Variants in EPCIP observed in about 807,000 individuals in gnomAD.
The protein encoded by EPCIP is exosomal polycystin 1 interacting protein, also known as exosomal polycystin-1-interacting protein.
the EPCIP span, among the ~76,000 whole-genome samples, chr21:32,811,176 G>A: frequency 6.6e-6 from 1 of 151,324 alleles, no homozygotes; most frequent in African/African-American, 2.4e-5. Flanking sequence ...TGTCACCCAG[G>A]CTGGAGTGCA....
chr21:32,809,277 T>C, the EPCIP span, among the ~76,000 whole-genome samples: 16,249 of 111,630 alleles, frequency 0.15, 2,400 homozygotes, highest in East Asian at 0.33. Context: ...CCCTCCCTCC[T>C]TCCTTTCTTT....
the EPCIP span, among the ~76,000 whole-genome samples, chr21:32,805,775 A>G: frequency 2.0e-5 from 3 of 152,188 alleles, no homozygotes; most frequent in Non-Finnish European, 4.4e-5. Flanking sequence ...CTGTATTCAC[A>G]GCCCTGCAGT....
At chr21:32,810,724 T>G in the EPCIP span, 1 of 468,832 alleles carries the variant, frequency 2.1e-6, no homozygotes, top group South Asian at 1.6e-5. Flanking sequence ...GACTGCATCA[T>G]GCTCACATGT....
the EPCIP span, among the ~76,000 whole-genome samples, chr21:32,809,337 T>C: frequency 7.0e-6 from 1 of 143,878 alleles, no homozygotes; most frequent in Non-Finnish European, 1.5e-5. Flanking sequence ...TCTTTCTTTC[T>C]TTCTTTCCTC....
the EPCIP span, among the ~76,000 whole-genome samples, chr21:32,793,376 A>G: frequency 6.6e-6 from 1 of 152,174 alleles, no homozygotes; most frequent in Admixed American, 6.5e-5. Flanking sequence ...GAAAGAAGAT[A>G]TGTTTCTTGG....
the EPCIP span, among the ~76,000 whole-genome samples, chr21:32,801,818 G>C: frequency 6.6e-6 from 1 of 152,072 alleles, no homozygotes; most frequent in East Asian, 1.9e-4. Flanking sequence ...ACTCCAGCCT[G>C]GGCAATAAGA....
At chr21:32,810,885 C>T in the EPCIP span, among the ~76,000 whole-genome samples, 2 of 152,072 alleles carry the variant, frequency 1.3e-5, no homozygotes, top group East Asian at 3.9e-4. Context: ...GCCCTGTGTT[C>T]CCAAGGCTAA....
chr21:32,809,931 C>A, the EPCIP span, among the ~76,000 whole-genome samples: 2 of 152,142 alleles, frequency 1.3e-5, no homozygotes, highest in Non-Finnish European at 2.9e-5. Context: ...TTTTGTAAGC[C>A]AATCTGTTAT....
At chr21:32,805,109 G>A in the EPCIP span, among the ~76,000 whole-genome samples, 3 of 152,136 alleles carry the variant, frequency 2.0e-5, no homozygotes, top group African/African-American at 7.2e-5. Flanking sequence ...AATCAACAGG[G>A]TCCTTATAAG....
At chr21:32,804,532 T>A in the EPCIP span, among the ~76,000 whole-genome samples, 1 of 151,956 alleles carries the variant, frequency 6.6e-6, no homozygotes, top group East Asian at 1.9e-4. Flanking sequence ...TCATAGACAT[T>A]GATATTTTGT....
At chr21:32,796,957 G>A in the EPCIP span, 1 of 470,822 alleles carries the variant, frequency 2.1e-6, no homozygotes, top group African/African-American at 2.0e-5. Context: ...CCTTTTAGAG[G>A]CAGCCGTGGA....
the EPCIP span, among the ~76,000 whole-genome samples, chr21:32,809,915 A>G: frequency 6.6e-6 from 1 of 152,106 alleles, no homozygotes; most frequent in African/African-American, 2.4e-5. Context: ...AAAAAAAAAA[A>G]AGAGCTTTTG....
the EPCIP span, chr21:32,810,441 TTA>T: frequency 5.3e-5 from 16 of 304,458 alleles, no homozygotes; most frequent in East Asian, 8.7e-5. Context: ...TTTTTTTTTT[TTA>T]GTGCAGACGG....
At chr21:32,812,572 A>C in the EPCIP span, among the ~76,000 whole-genome samples, 1 of 152,214 alleles carries the variant, frequency 6.6e-6, no homozygotes, top group Admixed American at 6.5e-5. Flanking sequence ...GTCAGAAAAA[A>C]AAGTAATGAA....
At chr21:32,801,962 TGCAGATATAAGAGTCATTGGC>T in the EPCIP span, among the ~76,000 whole-genome samples, 2 of 152,184 alleles carry the variant, frequency 1.3e-5, no homozygotes, top group African/African-American at 4.8e-5. Context: ...GGCGAGGCAG[TGCAGATATAAGAGTCATTGGC>T]GCAGATGTCA....
the EPCIP span, among the ~76,000 whole-genome samples, chr21:32,804,275 T>TTATA: frequency 0.064 from 8,972 of 140,698 alleles, 513 homozygotes; most frequent in African/African-American, 0.15. Flanking sequence ...ATGCATGTGA[T>TTATA]TATATATATA....
the EPCIP span, among the ~76,000 whole-genome samples, chr21:32,804,218 G>A: frequency 6.6e-6 from 1 of 151,216 alleles, no homozygotes; most frequent in Non-Finnish European, 1.5e-5. Context: ...TCTCTTGACA[G>A]GGCACAGGAT....
At chr21:32,808,821 C>T in the EPCIP span, among the ~76,000 whole-genome samples, 2 of 152,108 alleles carry the variant, frequency 1.3e-5, no homozygotes, top group East Asian at 3.8e-4. Flanking sequence ...ATTATCTTCA[C>T]GATTTTTCTG....
At chr21:32,797,024 G>A in the EPCIP span, 2 of 470,846 alleles carry the variant, frequency 4.2e-6, no homozygotes, top group Non-Finnish European at 8.8e-6. Context: ...TGTGGGACAA[G>A]AAGTTCCCAG....
Sources: allele counts gnomAD v4.1 joint callset (sites outside exome capture counted in the v4.1 genomes callset), GRCh38; gene constraint gnomAD v4.1.1; transcripts MANE v1.5; gene names NCBI Gene and HGNC (gene_info 2026-07-23, HGNC 2026-07-21).